Variants in CNTN4 observed in about 807,000 individuals in gnomAD.
CNTN4 encodes contactin-4.
CNTN4 carries 77 observed loss-of-function variants against 122.5 expected under a neutral mutation model. The observed-to-expected ratio is 0.63, with a 90% CI of 0.52 to 0.76. The LOEUF is 0.76. Among genes scored for constraint, CNTN4 ranks in the 30% least tolerant of loss-of-function variants. The probability of loss-of-function intolerance (pLI) is 0.00; values close to 1 mark genes in which losing one functional copy is unlikely to be tolerated. For synonymous variants in CNTN4, 512 were observed against 447.0 expected (o/e 1.15, Z -1.83); for missense variants, 1,256 against 1,259.1 (o/e 1.00, Z 0.04).
intron 13 of CNTN4, among the ~76,000 whole-genome samples, chr3:2,971,398 T>C (rs1364805915): frequency 6.6e-6 from 1 of 152,136 alleles, no homozygotes; most frequent in Non-Finnish European, 1.5e-5. Flanking sequence ...CCTTTCTTAT[T>C]GCTCTTTCAT....
intron 13 of CNTN4, among the ~76,000 whole-genome samples, chr3:2,986,493 G>T (rs1401414431): frequency 6.6e-6 from 1 of 152,154 alleles, no homozygotes; most frequent in Non-Finnish European, 1.5e-5. Context: ...CCTCTCATCA[G>T]ACTGAGTCAT....
intron 2 of CNTN4, among the ~76,000 whole-genome samples, chr3:2,266,170 A>G (rs2041038146): frequency 6.6e-6 from 1 of 151,978 alleles, no homozygotes; most frequent in Non-Finnish European, 1.5e-5. Flanking sequence ...TTTCAATTTT[A>G]CCCCATTCAG....
At position 3,053,950 on chromosome 3, in the gene CNTN4, A is replaced by G. The variant is rs751280960; in HGVS notation, c.2955A>G (p.Glu985=). The part of the protein sequence containing the change: ...FSDGGDGSSS[E]QIRIPKISNA... The stretch of plus-strand genomic sequence containing the variant: ...ACGGAGGAGATGGCAGCAGCAGTGA[A>G]CAAATTCGAATTCCAAAGATATCAA... The change falls in exon 24 of 25, where the codon GAA becomes GAG. Residue 985 remains glutamate, a synonymous_variant. Coordinates refer to ENST00000418658, the MANE Select transcript of CNTN4 (RefSeq NM_175607.3). The G allele has an allele frequency of 1.9e-6, 3 of 1,614,094 alleles. No individual in the cohort carries two copies. The highest frequency in any genetic ancestry group is 2.5e-6 in the Non-Finnish European group (3 of 1,180,026).
chr3:2,315,840 TA>T (rs1252542329), intron 2 of CNTN4, among the ~76,000 whole-genome samples: 1 of 152,080 alleles, frequency 6.6e-6, no homozygotes, highest in Admixed American at 6.6e-5. Context: ...AAATTTGGCT[TA>T]AAAAATTACA....
chr3:2,459,388 GA>G (rs1171449793), intron 3 of CNTN4, among the ~76,000 whole-genome samples: 5 of 151,992 alleles, frequency 3.3e-5, no homozygotes, highest in Non-Finnish European at 7.4e-5. Context: ...TTGAAAACCA[GA>G]AAAATGCACA....
chr3:2,788,822 G>A (rs1018774861), intron 6 of CNTN4, among the ~76,000 whole-genome samples: 12 of 152,210 alleles, frequency 7.9e-5, no homozygotes, highest in African/African-American at 2.4e-5. Flanking sequence ...GCCTGCAGGA[G>A]AGGATAACCT....
chr3:2,187,650 A>G (rs755291662), intron 2 of CNTN4, among the ~76,000 whole-genome samples: 13 of 152,164 alleles, frequency 8.5e-5, no homozygotes, highest in Non-Finnish European at 1.3e-4. Context: ...TGAGGACACA[A>G]TATCGACTAC....
At chr3:2,582,750 C>T (rs922765375) in intron 4 of CNTN4, among the ~76,000 whole-genome samples, 1 of 152,188 alleles carries the variant, frequency 6.6e-6, no homozygotes, top group Non-Finnish European at 1.5e-5. Context: ...TCAATTTTGT[C>T]CTAGATTGGC....
At chr3:3,020,282 C>T (rs1402662640) in intron 14 of CNTN4, among the ~76,000 whole-genome samples, 1 of 152,108 alleles carries the variant, frequency 6.6e-6, no homozygotes, top group Non-Finnish European at 1.5e-5. Context: ...GCACCAGGGA[C>T]TTATAAAAGT....
At position 2,690,546 on chromosome 3, in the gene CNTN4, G is replaced by C. The variant is rs1449094018; in HGVS notation, c.56-45669G>C. 3.9e-5 allele frequency among the ~76,000 whole-genome samples: 6 copies of C among 152,228 alleles called. No individual in the cohort carries two copies. The South Asian group carries it at 1.0e-3, about 26-fold the overall frequency. ...TATCCCATCCATGAAAGAGGTTGCT[G>C]TTGCTGCCTTTACCATCCTTAACAA... On this transcript the variant is annotated intron_variant, in intron 4 of 24. Coordinates refer to ENST00000418658, the MANE Select transcript of CNTN4 (RefSeq NM_175607.3).
At position 2,954,255 on chromosome 3, in the gene CNTN4, G is replaced by A. The variant is rs563218663; in HGVS notation, c.1358+28476G>A. On this transcript the variant is annotated intron_variant, in intron 13 of 24. Transcript: ENST00000418658. ...TCAGCCTGTCCTCAGGAGAGAAAGA[G>A]GAAACTTCACCAAAATGAACAAGGT... Among the ~76,000 whole-genome samples, 6 of 152,192 alleles carry A rather than the reference G, an allele frequency of 3.9e-5. No individual in the cohort carries two copies. In the East Asian group the frequency reaches 1.2e-3, roughly 29 times the overall value.
At chr3:2,450,391 T>TAAATAAATA in intron 3 of CNTN4, among the ~76,000 whole-genome samples, 2 of 151,154 alleles carry the variant, frequency 1.3e-5, no homozygotes, top group Non-Finnish European at 2.9e-5. Context: ...AATAAATAAA[T>TAAATAAATA]AAATAAAATA....
chr3:2,478,235 C>T (rs558875662), intron 3 of CNTN4, among the ~76,000 whole-genome samples: 3 of 152,174 alleles, frequency 2.0e-5, no homozygotes, highest in Non-Finnish European at 2.9e-5. Context: ...TCGCATAATG[C>T]ATATCTTTGT....
intron 4 of CNTN4, among the ~76,000 whole-genome samples, chr3:2,666,550 T>A (rs1576390438): frequency 6.6e-6 from 1 of 152,200 alleles, no homozygotes; most frequent in African/African-American, 2.4e-5. Flanking sequence ...CCAAAACAAT[T>A]CCTTGATGTA....
rs142132567 is a variant in CNTN4, at chr3:2,140,507, A to C, written c.-145+39868A>C. Among the ~76,000 whole-genome samples the C allele has an allele frequency of 3.4e-3, 525 of 152,248 alleles. 4 individuals carry two copies. Among genetic ancestry groups the C allele is most frequent in the African/African-American group, 0.012 (483 of 41,540 alleles). On this transcript the variant is annotated intron_variant, in intron 2 of 24. Transcript: ENST00000418658. ...TTGGTGAGGGCCCACTTCCTGGTTC[A>C]TAGATGGGCCTTCTTGCTATGTTCT...
At chr3:2,612,203 A>T (rs968742058) in intron 4 of CNTN4, among the ~76,000 whole-genome samples, 3 of 152,122 alleles carry the variant, frequency 2.0e-5, no homozygotes, top group African/African-American at 7.2e-5. Flanking sequence ...TCATAAGTTA[A>T]AAATATAGTA....
Position 3,031,079 on chromosome 3 carries a change from C to G in CNTN4, c.1783+104C>G, listed in dbSNP as rs185399884. 3.3e-4 allele frequency: 475 copies of G among 1,440,562 alleles called. 5 individuals are homozygous for G. The East Asian group carries it at 0.011, about 33-fold the overall frequency. The allele number at this position is 1,440,562 out of a possible 1,614,324, so 89.2% of individuals were successfully genotyped here. A position where few individuals can be genotyped will look rare whatever the true frequency, so the allele number is the denominator to read the frequency against. On this transcript the variant is annotated intron_variant, in intron 16 of 24. Coordinates refer to ENST00000418658, the MANE Select transcript of CNTN4 (RefSeq NM_175607.3). Reference sequence around the variant, plus strand: ...GTGGTTTAGAATTATGGGAAAAAGTCAGGCAGAAGCTGAACATTGTAAACA... The same window carrying G: ...GTGGTTTAGAATTATGGGAAAAAGTGAGGCAGAAGCTGAACATTGTAAACA...
chr3:2,562,458 A>G (rs1393427177), intron 3 of CNTN4, among the ~76,000 whole-genome samples: 1 of 152,000 alleles, frequency 6.6e-6, no homozygotes, highest in African/African-American at 2.4e-5. Context: ...TTTAGCTCCC[A>G]CTTGTAAGTG....
At chr3:2,761,017 G>A (rs1475635251) in intron 6 of CNTN4, among the ~76,000 whole-genome samples, 1 of 152,138 alleles carries the variant, frequency 6.6e-6, no homozygotes, top group Non-Finnish European at 1.5e-5. Context: ...AAATAAGCAA[G>A]AGGACCATTT....
Sources: gnomAD v4.1 joint callset for allele counts (sites outside exome capture counted in the v4.1 genomes callset) on GRCh38, gnomAD v4.1.1 for gene constraint, MANE v1.5 for transcripts, NCBI Gene and HGNC (gene_info 2026-07-23, HGNC 2026-07-21) for gene names.